Variants in TFF1 observed in about 807,000 individuals in gnomAD.
The protein encoded by TFF1 is breast cancer estrogen-inducible protein.
TFF1 carries 8 observed loss-of-function variants against 7.7 expected under a neutral mutation model. The ratio of observed to expected loss-of-function variants is 1.04; its 90% CI spans 0.61 to 1.87. The LOEUF (loss-of-function observed/expected upper bound fraction) is 1.87. Among genes scored for constraint, TFF1 ranks in the 40% most tolerant of loss-of-function variants. The probability of loss-of-function intolerance (pLI) is 0.00; values close to 1 mark genes in which losing one functional copy is unlikely to be tolerated. For missense variants in TFF1, 120 were observed against 113.4 expected, an observed-to-expected ratio of 1.06 and a Z score of -0.26; for synonymous variants, 47 against 44.8, an observed-to-expected ratio of 1.05 and a Z score of -0.19.
At chr21:42,363,131 C>T (rs984414753) in intron 2 of TFF1, 124 bp downstream of exon 2, 7 of 1,287,252 alleles carry the variant, frequency 5.4e-6, no homozygotes, top group African/African-American at 3.0e-5. Context: ...CATTGCACCA[C>T]CACTGGCGGC....
At chr21:42,366,203 A>G (rs1359299334) in intron 1 of TFF1, among the ~76,000 whole-genome samples, 1 of 151,996 alleles carries the variant, frequency 6.6e-6, no homozygotes, top group Non-Finnish European at 1.5e-5. Context: ...TCCTCGTCGC[A>G]CTTCTCGAAG....
chr21:42,362,384 A>G lies in TFF1; in HGVS notation c.*95T>C. The G allele has an allele frequency of 7.1e-7, 1 of 1,405,940 alleles. No individual in the cohort carries two copies. The highest frequency in any genetic ancestry group is 1.3e-5 in the South Asian group (1 of 78,206). The allele number at this position is 1,405,940 out of a possible 1,614,324, so 87.1% of individuals were successfully genotyped here. A position where few individuals can be genotyped will look rare whatever the true frequency, so the allele number is the denominator to read the frequency against. On this transcript the variant is annotated 3_prime_UTR_variant, in exon 3 of 3. Coordinates refer to ENST00000291527, the MANE Select transcript of TFF1 (RefSeq NM_003225.3). The stretch of plus-strand genomic sequence containing the variant: ...AGGCACAGCTGCAGAAGCGTGTCTG[A>G]GGTGTCCGGTGGAGGTGGCAGCCGA...
In TFF1 at chr21:42,363,378, G is replaced by C. The variant is rs775602479; in HGVS notation, c.115C>G (p.Gln39Glu). 3.1e-6 allele frequency: 5 copies of C among 1,614,136 alleles called. No individual in the cohort carries two copies. The highest frequency in any genetic ancestry group is 3.3e-5 in the Admixed American group (2 of 60,014). Reference sequence around the variant, plus strand: ...GTGACACCAGGAAAACCACAATTCTGTCTTTCACGGGGGGCCACTGTACAC... The same window carrying C: ...GTGACACCAGGAAAACCACAATTCTCTCTTTCACGGGGGGCCACTGTACAC... ...ETCTVAPRER[Q>E]NCGFPGVTPS... is the part of the protein sequence containing the mutation. Residue 39 changes from glutamine to glutamate, a missense_variant, in exon 2 of 3, where the codon CAG becomes GAG. Gln to Glu is a conservative substitution (Grantham distance 29). Transcript: ENST00000291527.
intron 1 of TFF1, among the ~76,000 whole-genome samples, chr21:42,364,072 A>T (rs1386173995): frequency 2.0e-5 from 3 of 149,522 alleles, no homozygotes; most frequent in Non-Finnish European, 3.0e-5. Flanking sequence ...GCACCATTGC[A>T]CTCCAGCCTG....
At chr21:42,363,844 G>C (rs1007246390) in intron 1 of TFF1, among the ~76,000 whole-genome samples, 3 of 152,188 alleles carry the variant, frequency 2.0e-5, no homozygotes, top group African/African-American at 7.2e-5. Context: ...CCAGGCTCAT[G>C]CCTGTAATCC....
chr21:42,365,876 G>C (rs996751498), intron 1 of TFF1, among the ~76,000 whole-genome samples: 5 of 152,166 alleles, frequency 3.3e-5, no homozygotes, highest in African/African-American at 1.2e-4. Context: ...TCATGAGAGA[G>C]GTGGCTTTGA....
At position 42,366,463 on chromosome 21, in the gene TFF1, G is replaced by A; in HGVS notation, c.33C>T (p.Ala11=). The change falls in exon 1 of 3, where the codon GCC becomes GCT. Residue 11 remains alanine (A), a synonymous_variant. Coordinates refer to ENST00000291527, the MANE Select transcript of TFF1 (RefSeq NM_003225.3). ...GGGCCAGCATGGACACCAGGACCAG[G>A]GCGCAGATCACCTTGTTCTCCATGG... MATMENKVIC[A]LVLVSMLALG... The A allele has an allele frequency of 5.0e-6, 8 of 1,612,916 alleles. No individual in the cohort carries two copies. Among genetic ancestry groups the A allele is most frequent in the East Asian group, 2.2e-5 (1 of 44,866 alleles).
At chr21:42,364,718 G>A (rs1229922523) in intron 1 of TFF1, among the ~76,000 whole-genome samples, 4 of 152,202 alleles carry the variant, frequency 2.6e-5, no homozygotes, top group East Asian at 3.9e-4. Flanking sequence ...TCAGGTGAGG[G>A]CGCCCCAGGG....
At chr21:42,365,960 G>A (rs553423379) in intron 1 of TFF1, among the ~76,000 whole-genome samples, 2 of 152,264 alleles carry the variant, frequency 1.3e-5, no homozygotes, top group East Asian at 1.9e-4. Context: ...CCACTGGGAC[G>A]GGCATTCGGG....
intron 1 of TFF1, 46 bp from the exon 2 acceptor site, chr21:42,363,453 C>A: frequency 1.3e-6 from 2 of 1,589,464 alleles, no homozygotes; most frequent in South Asian, 2.3e-5. Flanking sequence ...GGGCTGAATT[C>A]CTTGATGTTA....
chr21:42,363,672 AATG>A (rs2052258031), intron 1 of TFF1, among the ~76,000 whole-genome samples: 1 of 152,210 alleles, frequency 6.6e-6, no homozygotes, highest in South Asian at 2.1e-4. Context: ...AATTTCAACA[AATG>A]ATTATTAAAT....
Position 42,363,260 on chromosome 21 carries a change from G to T in TFF1, c.233C>A (p.Pro78Gln), listed in dbSNP as rs200341439. The T allele has an allele frequency of 1.2e-6, 2 of 1,614,054 alleles. No homozygotes were observed. The highest frequency in any genetic ancestry group is 2.7e-5 in the African/African-American group (2 of 74,920). Residue 78 changes from proline to glutamine, a missense_variant, in exon 2 of 3, where the codon CCA becomes CAA. Coordinates refer to ENST00000291527, the MANE Select transcript of TFF1 (RefSeq NM_003225.3). Reference sequence around the variant, plus strand: ...ATCGTATAAAAAGGCCATACCTTCTGGAGGGACGTCGATGGTATTAGGATA... The same window carrying T: ...ATCGTATAAAAAGGCCATACCTTCTTGAGGGACGTCGATGGTATTAGGATA... ...CFYPNTIDVP[P>Q]EEECEF
chr21:42,366,198 G>A (rs1042223502), intron 1 of TFF1, among the ~76,000 whole-genome samples: 3 of 152,110 alleles, frequency 2.0e-5, no homozygotes, highest in Admixed American at 6.5e-5. Flanking sequence ...CCCCCTCCTC[G>A]TCGCACTTCT....
chr21:42,364,559 G>A (rs910700344), intron 1 of TFF1, among the ~76,000 whole-genome samples: 6 of 152,166 alleles, frequency 3.9e-5, no homozygotes, highest in African/African-American at 7.2e-5. Context: ...TCTGAGCTCC[G>A]CGGAATCAAA....
rs200807190 is a variant in TFF1, at chr21:42,363,319, G to A, written c.174C>T (p.Phe58=). The A allele has an allele frequency of 4.2e-5, 68 of 1,614,152 alleles. No individual in the cohort carries two copies. The East Asian group carries it at 9.4e-4, about 22-fold the overall frequency. The change falls in exon 2 of 3, where the codon TTC becomes TTT. Residue 58 remains phenylalanine, a synonymous_variant. Transcript: ENST00000291527. The stretch of plus-strand genomic sequence containing the variant: ...AGGGGACCCCACGAACGGTGTCGTC[G>A]AAACAGCAGCCCTTATTTGCACACT... ...PSQCANKGCC[F]DDTVRGVPWC...
chr21:42,362,690 C>T (rs569286895), intron 2 of TFF1, among the ~76,000 whole-genome samples, 195 bp from the exon 3 acceptor site: 29 of 152,208 alleles, frequency 1.9e-4, no homozygotes, highest in African/African-American at 6.5e-4. Context: ...GGCAGATCAC[C>T]TGAGGTCAAG....
intron 2 of TFF1, 77 bp downstream of exon 2, chr21:42,363,178 T>A: frequency 1.9e-6 from 3 of 1,590,884 alleles, no homozygotes; most frequent in Admixed American, 1.7e-5. Flanking sequence ...GTGATGCTGA[T>A]CAGAGCCTCT....
intron 1 of TFF1, among the ~76,000 whole-genome samples, chr21:42,365,185 T>A (rs368435074): frequency 1.3e-5 from 2 of 152,172 alleles, no homozygotes; most frequent in African/African-American, 2.4e-5. Context: ...GCAAAGACGC[T>A]CTGAGCCTTG....
intron 1 of TFF1, among the ~76,000 whole-genome samples, chr21:42,363,998 T>C (rs941053815): frequency 2.0e-5 from 3 of 151,754 alleles, no homozygotes; most frequent in Non-Finnish European, 4.4e-5. Flanking sequence ...TCCCAGCTAC[T>C]TGGGAGGCTG....
Sources: gnomAD v4.1 joint callset for allele counts (sites outside exome capture counted in the v4.1 genomes callset) on GRCh38, gnomAD v4.1.1 for gene constraint, MANE v1.5 for transcripts, NCBI Gene and HGNC (gene_info 2026-07-23, HGNC 2026-07-21) for gene names.